The following FRMPD3 variants were observed in gnomAD, a reference collection of about 807,000 sequenced individuals.
FRMPD3 encodes the protein FERM and PDZ domain-containing protein 3.
In FRMPD3, 42 loss-of-function variants were observed where a neutral mutation model predicts 97.9. The ratio of observed to expected loss-of-function variants is 0.43; its 90% CI spans 0.34 to 0.55. The LOEUF is 0.55. FRMPD3 is among the 20% of genes least tolerant of loss of function. The probability of loss-of-function intolerance (pLI) is 0.03; values close to 1 mark genes in which losing one functional copy is unlikely to be tolerated. For missense variants in FRMPD3, 1,303 were observed against 1,457.7 expected (o/e 0.89, Z 1.73); for synonymous variants, 577 against 581.1 (o/e 0.99, Z 0.10).
intron 10 of FRMPD3, among the ~76,000 whole-genome samples, chrX:107,562,664 A>G (rs1316880638): frequency 1.8e-5 from 2 of 112,200 alleles, no homozygotes; most frequent in Non-Finnish European, 3.8e-5. Flanking sequence ...TGCCCAGGGG[A>G]TGCTGATATA....
chrX:107,526,235 T>C (rs754712232), intron 1 of FRMPD3, among the ~76,000 whole-genome samples: 1 of 112,139 alleles, frequency 8.9e-6, no homozygotes, highest in East Asian at 2.8e-4. Flanking sequence ...AGTTAATAGC[T>C]AAGTCAGTGG....
intron 10 of FRMPD3, 126 bp from the exon 11 acceptor site, chrX:107,562,985 C>T: frequency 2.1e-6 from 1 of 485,323 alleles, no homozygotes; most frequent in Non-Finnish European, 3.6e-6. Flanking sequence ...GGCATCTTCA[C>T]ATCTCCACAG....
intron 1 of FRMPD3, among the ~76,000 whole-genome samples, chrX:107,515,458 A>T (rs1372993661): frequency 9.0e-6 from 1 of 111,547 alleles, no homozygotes; most frequent in Non-Finnish European, 1.9e-5. Context: ...GCGGACCTTA[A>T]CAAGAGCAAC....
In FRMPD3 at chrX:107,560,337, C is replaced by G; in HGVS notation, c.843C>G (p.Ile281Met). The change falls in exon 9 of 15, where the codon ATC becomes ATG. Residue 281 changes from isoleucine to methionine, a missense_variant. By Grantham distance (10) the Ile-to-Met change is conservative. Around this residue, in one of 3 missense-constraint regions of FRMPD3, gnomAD observed 535 missense variants for 618.6 expected, o/e 0.86. Coordinates refer to ENST00000683843, the MANE Select transcript of FRMPD3 (RefSeq NM_001388459.1). ...TTTTGGGCCTTGCTGCGCTCCACAT[C>G]TATATCACTGTCTCAGCCACTCGAC... ...EMLLGLAALH[I>M]YITVSATRPS... The G allele has an allele frequency of 8.3e-7, 1 of 1,209,699 alleles. No individual in the cohort carries two copies. The highest frequency in any genetic ancestry group is 1.1e-6 in the Non-Finnish European group (1 of 895,017).
chrX:107,474,712 G>T (rs1921153788), intron 1 of FRMPD3, among the ~76,000 whole-genome samples: 1 of 111,610 alleles, frequency 9.0e-6, no homozygotes, highest in Non-Finnish European at 1.9e-5. Context: ...AATGGGGGAA[G>T]GCTGATTCCT....
At chrX:107,533,586 G>A (rs1284299893) in intron 4 of FRMPD3, 36 bp downstream of exon 4, 4 of 1,151,986 alleles carry the variant, frequency 3.5e-6, no homozygotes, top group Non-Finnish European at 4.7e-6. Flanking sequence ...CCTTCCTCCT[G>A]ACTGAGAAGA....
chrX:107,569,141 A>G (rs1439108949), intron 12 of FRMPD3, among the ~76,000 whole-genome samples: 1 of 110,609 alleles, frequency 9.0e-6, no homozygotes, highest in Non-Finnish European at 1.9e-5. Context: ...CTAAAAATAC[A>G]AAAATTAGCC....
At chrX:107,510,724 G>A (rs750810765) in intron 1 of FRMPD3, among the ~76,000 whole-genome samples, 7 of 112,217 alleles carry the variant, frequency 6.2e-5, no homozygotes, top group Admixed American at 9.4e-5. Context: ...AGAATAAAAG[G>A]TGTCTCATTG....
intron 1 of FRMPD3, among the ~76,000 whole-genome samples, chrX:107,483,406 T>C (rs913466101): frequency 1.8e-5 from 2 of 112,598 alleles, no homozygotes; most frequent in Admixed American, 1.9e-4. Flanking sequence ...AACCCATCCC[T>C]AGGCTCCTAA....
chrX:107,562,325 G>A (rs1387200751), intron 10 of FRMPD3, among the ~76,000 whole-genome samples: 3 of 112,714 alleles, frequency 2.7e-5, no homozygotes, highest in Non-Finnish European at 5.6e-5. Context: ...GCCAAGGAAA[G>A]AGGTTGTACT....
intron 1 of FRMPD3, among the ~76,000 whole-genome samples, chrX:107,507,004 C>A (rs952948142): frequency 9.0e-6 from 1 of 110,900 alleles, no homozygotes; most frequent in East Asian, 2.9e-4. Flanking sequence ...CGGAGGGGGG[C>A]CCGACGGTAA....
At chrX:107,454,643 G>A (rs955573076) in intron 1 of FRMPD3, among the ~76,000 whole-genome samples, 1 of 111,618 alleles carries the variant, frequency 9.0e-6, no homozygotes, top group Non-Finnish European at 1.9e-5. Context: ...CTAGATTAAT[G>A]TTGTGGAATA....
At chrX:107,563,996 C>T (rs1025411030) in intron 11 of FRMPD3, among the ~76,000 whole-genome samples, 1 of 112,266 alleles carries the variant, frequency 8.9e-6, no homozygotes, top group African/African-American at 3.2e-5. Flanking sequence ...CCCAGGAGCA[C>T]ATTGTCAGCT....
rs778306919 is a variant in FRMPD3, at chrX:107,529,590, A to C, written c.149-819A>C. On this transcript the variant is annotated intron_variant, in intron 2 of 14. Coordinates refer to ENST00000683843, the MANE Select transcript of FRMPD3 (RefSeq NM_001388459.1). ...ACAGAGTAAGACTCCATCTCAAAAA[A>C]ATAAAAAAAGAAAAGAAAAGAAATG... is the stretch of plus-strand genomic sequence containing the variant. Among the ~76,000 whole-genome samples, 26 of 111,343 alleles carry C rather than the reference A, an allele frequency of 2.3e-4. No individual in the cohort carries two copies. In the Middle Eastern group the frequency reaches 0.018, roughly 79 times the overall value.
At chrX:107,581,646 G>A (rs1054741225) in intron 13 of FRMPD3, among the ~76,000 whole-genome samples, 7 of 111,300 alleles carry the variant, frequency 6.3e-5, no homozygotes, top group African/African-American at 2.3e-4. Flanking sequence ...CCCATTAGCG[G>A]TCACTCCCTA....
chrX:107,522,513 A>G, intron 1 of FRMPD3: 1 of 535,279 alleles, frequency 1.9e-6, no homozygotes, highest in Admixed American at 2.4e-5. Flanking sequence ...GGGTGCTGCA[A>G]TTGTGGGTCC....
At chrX:107,533,080 A>T (rs1049047148) in intron 3 of FRMPD3, among the ~76,000 whole-genome samples, 7 of 111,512 alleles carry the variant, frequency 6.3e-5, no homozygotes, top group Non-Finnish European at 1.3e-4. Flanking sequence ...TTCTCTTCTC[A>T]CTTAAATACC....
At chrX:107,473,516 A>G (rs925154990) in intron 1 of FRMPD3, among the ~76,000 whole-genome samples, 3 of 112,239 alleles carry the variant, frequency 2.7e-5, no homozygotes, top group African/African-American at 9.7e-5. Context: ...ATACCTTGCC[A>G]GAGTTTAGCT....
Position 107,532,741 on chromosome X carries a change from A to G in FRMPD3, c.252-764A>G, listed in dbSNP as rs1036507313. 4.5e-5 allele frequency among the ~76,000 whole-genome samples: 5 copies of G among 112,236 alleles called. No individual in the cohort carries two copies. The Admixed American group carries it at 4.7e-4, about 11-fold the overall frequency. On this transcript the variant is annotated intron_variant, in intron 3 of 14. Transcript: ENST00000683843. ...AAGGGCAGCTTGACTCTACTTCTTA[A>G]ATGACTTTGTTCACATAAACATTTG...
Sources: gnomAD v4.1 joint callset for allele counts (sites outside exome capture counted in the v4.1 genomes callset) on GRCh38, gnomAD v4.1.1 for gene constraint, gnomAD v4.1.1 regional missense constraint, MANE v1.5 for transcripts, NCBI Gene and HGNC (gene_info 2026-07-23, HGNC 2026-07-21) for gene names.